The following OTOGL variants were observed in gnomAD, a reference collection of about 807,000 sequenced individuals.
The protein encoded by OTOGL is otogelin like.
OTOGL carries 285 observed loss-of-function variants against 318.5 expected under a neutral mutation model. That is an observed-to-expected ratio of 0.89 (90% CI 0.81 to 0.99). OTOGL has a LOEUF of 0.99. OTOGL is among the 50% of genes least tolerant of loss of function. The probability of loss-of-function intolerance (pLI) is 0.00; values close to 1 mark genes in which losing one functional copy is unlikely to be tolerated. For missense variants in OTOGL, 2,899 were observed against 2,845.6 expected (o/e 1.02, Z -0.43); for synonymous variants, 987 against 936.5 (o/e 1.05, Z -0.99).
chr12:80,239,027 A>G (rs1350192691), intron 10 of OTOGL, 49 bp downstream of exon 10: 3 of 1,518,714 alleles, frequency 2.0e-6, no homozygotes, highest in East Asian at 2.3e-5. Flanking sequence ...ATACACATAT[A>G]TCTTATTTGT....
In OTOGL at chr12:80,320,530, A is replaced by T. The variant is rs187723280; in HGVS notation, c.3911A>T (p.His1304Leu). 8.0e-5 allele frequency: 129 copies of T among 1,613,642 alleles called. No homozygotes were observed. In the African/African-American group the frequency reaches 1.5e-3, roughly 19 times the overall value. The change falls in exon 34 of 59, where the codon CAT (histidine) becomes CTT (leucine). Residue 1304 changes from histidine (H) to leucine (L), a missense_variant. Transcript: ENST00000547103. ...CTGTGGGAGGCGAATTCAGCCTTTC[A>T]TCGGAGAGCAACATTTTTCCACCAT... ...LELWEANSAFHRRATFFHHQG... is the reference protein window; with the variant it reads ...LELWEANSAFLRRATFFHHQG...
chr12:80,210,040 T>G (rs1592549507), intron 2 of OTOGL, among the ~76,000 whole-genome samples: 1 of 152,216 alleles, frequency 6.6e-6, no homozygotes, highest in South Asian at 2.1e-4. Context: ...TTAATTATTT[T>G]TATGGTAATT....
chr12:80,328,582 A>C (rs772638426), intron 35 of OTOGL, 83 bp from the exon 36 acceptor site: 9 of 1,003,624 alleles, frequency 9.0e-6, no homozygotes, highest in Middle Eastern at 4.5e-4. Flanking sequence ...AATATATCTT[A>C]GTCGCATATG....
intron 11 of OTOGL, among the ~76,000 whole-genome samples, chr12:80,250,470 T>C (rs1167662131): frequency 6.6e-6 from 1 of 152,178 alleles, no homozygotes; most frequent in East Asian, 1.9e-4. Context: ...AAACCACCGT[T>C]AATGTAGGAA....
intron 27 of OTOGL, among the ~76,000 whole-genome samples, chr12:80,300,962 T>C (rs1027283912): frequency 1.3e-5 from 2 of 152,246 alleles, no homozygotes; most frequent in Non-Finnish European, 2.9e-5. Context: ...CAATATATAC[T>C]GTTCTATACA....
At chr12:80,123,492 A>G (rs1325750123) in intron 1 of OTOGL, among the ~76,000 whole-genome samples, 1 of 152,130 alleles carries the variant, frequency 6.6e-6, no homozygotes, top group African/African-American at 2.4e-5. Context: ...TGCAATAAAC[A>G]TACGTGTGCA....
At chr12:80,183,187 A>T (rs1345071735) in intron 1 of OTOGL, among the ~76,000 whole-genome samples, 1 of 152,202 alleles carries the variant, frequency 6.6e-6, no homozygotes, top group Non-Finnish European at 1.5e-5. Context: ...TGTGGAGACC[A>T]ACTAGGTAAT....
chr12:80,163,678 G>C (rs1016384589), intron 1 of OTOGL, among the ~76,000 whole-genome samples: 2 of 152,046 alleles, frequency 1.3e-5, no homozygotes, highest in Non-Finnish European at 2.9e-5. Context: ...GTTGATCTAG[G>C]CTGGCCTTGG....
At chr12:80,281,188 A>G (rs911509228) in intron 26 of OTOGL, among the ~76,000 whole-genome samples, 2 of 151,374 alleles carry the variant, frequency 1.3e-5, no homozygotes, top group African/African-American at 4.8e-5. Context: ...CCTTTTATTT[A>G]TTTCTTTTGC....
At chr12:80,194,655 A>G (rs555866399) in intron 1 of OTOGL, among the ~76,000 whole-genome samples, 12 of 152,372 alleles carry the variant, frequency 7.9e-5, no homozygotes, top group African/African-American at 2.9e-4. Context: ...GTTTTCCATT[A>G]TATAACATTA....
chr12:80,172,107 C>T (rs923786153), intron 1 of OTOGL, among the ~76,000 whole-genome samples: 4 of 152,082 alleles, frequency 2.6e-5, no homozygotes, highest in Non-Finnish European at 5.9e-5. Context: ...GCAATCTCAT[C>T]TTTAAAGACT....
chr12:80,185,206 G>A (rs1875198631), intron 1 of OTOGL, among the ~76,000 whole-genome samples: 1 of 152,178 alleles, frequency 6.6e-6, no homozygotes, highest in Non-Finnish European at 1.5e-5. Context: ...TGAACAGAGA[G>A]GAAGTAGGCA....
intron 35 of OTOGL, among the ~76,000 whole-genome samples, chr12:80,328,459 T>C (rs1466443713): frequency 1.3e-5 from 2 of 152,248 alleles, no homozygotes; most frequent in Non-Finnish European, 2.9e-5. Context: ...AAGTTCTGCC[T>C]TAATTTTAAT....
Position 80,341,673 on chromosome 12 carries a change from C to A in OTOGL, c.5051-275C>A, listed in dbSNP as rs1390913275. Among the ~76,000 whole-genome samples the A allele has an allele frequency of 3.3e-5, 5 of 152,236 alleles. No homozygotes were observed. In the East Asian group the frequency reaches 9.6e-4, roughly 29 times the overall value. On this transcript the variant is annotated intron_variant, in intron 43 of 58. Coordinates refer to ENST00000547103, the MANE Select transcript of OTOGL (RefSeq NM_001378609.3). ...AGTATAGGAACAGAATTAATGTCTT[C>A]TTTCTTAATCTTCTCTGATCTCTTC...
chr12:80,265,509 A>G (rs1315793471), intron 20 of OTOGL: 3 of 378,870 alleles, frequency 7.9e-6, no homozygotes, highest in Admixed American at 3.9e-5. Flanking sequence ...TGGAAATATC[A>G]TATCTAAATA....
chr12:80,115,665 G>C (rs1050860194), intron 1 of OTOGL, among the ~76,000 whole-genome samples: 11 of 152,154 alleles, frequency 7.2e-5, no homozygotes, highest in Non-Finnish European at 1.3e-4. Context: ...CTTCCCCCCA[G>C]GTGCTCTGTC....
chr12:80,202,742 T>C (rs1565897981), intron 1 of OTOGL, among the ~76,000 whole-genome samples: 1 of 152,186 alleles, frequency 6.6e-6, no homozygotes, highest in Non-Finnish European at 1.5e-5. Context: ...GACATGTTAT[T>C]AGTCAGGGTT....
In OTOGL at chr12:80,356,432, G is replaced by T; in HGVS notation, c.5823G>T (p.Leu1941Phe). Residue 1941 changes from leucine (L) to phenylalanine (F), a missense_variant, in exon 48 of 59, where the codon TTG (leucine) becomes TTT (phenylalanine). Transcript: ENST00000547103. ...SKEVCGCDTT[L>F]CETSIPTCTN... is the part of the protein sequence containing the mutation. Reference sequence around the variant, plus strand: ...TATTTATAGGATGTGACACGACTTTGTGTGAAACTAGCATTCCAACATGTA... The same window carrying T: ...TATTTATAGGATGTGACACGACTTTTTGTGAAACTAGCATTCCAACATGTA... 1 of 1,610,458 alleles carries T rather than the reference G, an allele frequency of 6.2e-7. No individual in the cohort carries two copies.
intron 37 of OTOGL, among the ~76,000 whole-genome samples, chr12:80,332,223 G>A (rs1888119230): frequency 6.6e-6 from 1 of 152,046 alleles, no homozygotes; most frequent in Non-Finnish European, 1.5e-5. Context: ...TTGTGAAATG[G>A]CTACATTGAG....
Sources: gnomAD v4.1 joint callset for allele counts (sites outside exome capture counted in the v4.1 genomes callset) on GRCh38, gnomAD v4.1.1 for gene constraint, MANE v1.5 for transcripts, NCBI Gene and HGNC (gene_info 2026-07-23, HGNC 2026-07-21) for gene names.